The following NEGR1 variants were observed in gnomAD, a reference collection of about 807,000 sequenced individuals.
NEGR1 encodes IgLON family member 4.
NEGR1 carries 10 observed loss-of-function variants against 40.9 expected under a neutral mutation model. The ratio of observed to expected loss-of-function variants is 0.24; its 90% confidence interval spans 0.15 to 0.42. The LOEUF is 0.42. NEGR1 is among the 10% of genes least tolerant of loss of function. The pLI, the probability that NEGR1 is intolerant of heterozygous loss-of-function variation, is 1.00. For synonymous variants in NEGR1, 185 were observed against 166.8 expected (o/e 1.11, Z -0.84); for missense variants, 352 against 438.9 (o/e 0.80, Z 1.77).
At chr1:71,827,993 T>G (rs2101786411) in intron 2 of NEGR1, among the ~76,000 whole-genome samples, 1 of 152,102 alleles carries the variant, frequency 6.6e-6, no homozygotes, top group East Asian at 1.9e-4. Flanking sequence ...AATAATTTCT[T>G]TAAAACACAT....
chr1:72,282,474 C>T lies in NEGR1; in HGVS notation c.21G>A (p.Val7=). The T allele has an allele frequency of 1.2e-6, 2 of 1,613,222 alleles. No individual in the cohort carries two copies. Among genetic ancestry groups the T allele is most frequent in the African/African-American group, 2.7e-5 (2 of 74,950 alleles). The change falls in exon 1 of 7, where the codon GTG becomes GTA. Residue 7 remains valine, a synonymous_variant. Transcript: ENST00000357731. The part of the protein sequence containing the change: MDMMLL[V]QGACCSNQWL... ...ACTGGTTCGAGCAACAAGCACCCTG[C>T]ACCAACAGCATCATGTCCATCCCTG... is the stretch of plus-strand genomic sequence containing the variant.
At chr1:72,080,976 C>T (rs1028815331) in intron 1 of NEGR1, among the ~76,000 whole-genome samples, 6 of 151,974 alleles carry the variant, frequency 3.9e-5, no homozygotes, top group Non-Finnish European at 7.4e-5. Context: ...GAGGGTATTT[C>T]AGCCTAAGGG....
Position 71,776,165 on chromosome 1 carries a change from A to G in NEGR1, c.535+7T>C, listed in dbSNP as rs1236371325. 5 of 1,607,934 alleles carry G rather than the reference A, an allele frequency of 3.1e-6. No homozygotes were observed. The highest frequency in any genetic ancestry group is 4.2e-6 in the Non-Finnish European group (5 of 1,176,490). On this transcript the variant is annotated splice_region_variant and intron_variant, in intron 3 of 6. Coordinates refer to ENST00000357731, the MANE Select transcript of NEGR1 (RefSeq NM_173808.3). ...GCACAAACAACACTAATGCATTCCT[A>G]CTTTACCTGATGGGGAGATGTGTCG...
chr1:72,212,235 ACAAT>A (rs1213777938), intron 1 of NEGR1, among the ~76,000 whole-genome samples: 1 of 152,036 alleles, frequency 6.6e-6, no homozygotes, highest in Non-Finnish European at 1.5e-5. Flanking sequence ...TTGTAAAATT[ACAAT>A]CAATTAACTT....
At chr1:72,110,523 C>T (rs909472285) in intron 1 of NEGR1, among the ~76,000 whole-genome samples, 1 of 151,510 alleles carries the variant, frequency 6.6e-6, no homozygotes. Flanking sequence ...GATTTTCCAG[C>T]ATTAGCCACT....
At chr1:72,124,049 T>C (rs1649911218) in intron 1 of NEGR1, among the ~76,000 whole-genome samples, 1 of 152,072 alleles carries the variant, frequency 6.6e-6, no homozygotes, top group Non-Finnish European at 1.5e-5. Context: ...TGAGAGGTAA[T>C]GTTTCAAGAA....
intron 1 of NEGR1, among the ~76,000 whole-genome samples, chr1:71,937,767 C>A (rs1645920709): frequency 6.6e-6 from 1 of 152,106 alleles, no homozygotes; most frequent in African/African-American, 2.4e-5. Flanking sequence ...AACTGCTTAA[C>A]CTGTCCTAGT....
At chr1:71,458,189 C>A (rs2101339591) in intron 6 of NEGR1, among the ~76,000 whole-genome samples, 1 of 152,334 alleles carries the variant, frequency 6.6e-6, no homozygotes, top group East Asian at 1.9e-4. Context: ...CTTAGCTAGG[C>A]TGAATGCAAA....
intron 1 of NEGR1, among the ~76,000 whole-genome samples, chr1:72,154,712 A>G (rs1005212380): frequency 1.3e-5 from 2 of 152,084 alleles, no homozygotes; most frequent in African/African-American, 4.8e-5. Flanking sequence ...AAGATCGTAC[A>G]TACCTTTAGG....
chr1:72,086,839 T>C (rs1003856596), intron 1 of NEGR1, among the ~76,000 whole-genome samples: 7 of 152,192 alleles, frequency 4.6e-5, no homozygotes, highest in South Asian at 4.1e-4. Context: ...AATCATCCAA[T>C]CTAAAATATT....
intron 1 of NEGR1, among the ~76,000 whole-genome samples, chr1:72,138,788 T>C (rs941193562): frequency 4.6e-5 from 7 of 151,994 alleles, no homozygotes; most frequent in African/African-American, 1.7e-4. Context: ...GATTTAAATA[T>C]CCATCTTTCA....
At chr1:72,030,049 G>A (rs1277837246) in intron 1 of NEGR1, among the ~76,000 whole-genome samples, 2 of 151,298 alleles carry the variant, frequency 1.3e-5, no homozygotes, top group Non-Finnish European at 2.9e-5. Context: ...AAATCTTACA[G>A]CTTTGCAAAC....
chr1:71,583,700 T>C (rs1649209606), intron 6 of NEGR1, among the ~76,000 whole-genome samples: 1 of 152,216 alleles, frequency 6.6e-6, no homozygotes. Context: ...CACTAATTCT[T>C]AGAGCAAATA....
intron 1 of NEGR1, among the ~76,000 whole-genome samples, chr1:72,138,348 A>G (rs1650547618): frequency 6.6e-6 from 1 of 152,076 alleles, no homozygotes; most frequent in African/African-American, 2.4e-5. Flanking sequence ...ACTACAAAGC[A>G]GGGTGATAAA....
intron 1 of NEGR1, among the ~76,000 whole-genome samples, chr1:72,025,132 C>T (rs1028083766): frequency 6.6e-6 from 1 of 152,130 alleles, no homozygotes; most frequent in South Asian, 2.1e-4. Flanking sequence ...TCAGTCTAGA[C>T]TCCAAAACAT....
intron 1 of NEGR1, among the ~76,000 whole-genome samples, chr1:72,027,723 T>C (rs745906711): frequency 1.3e-5 from 2 of 152,228 alleles, no homozygotes; most frequent in Non-Finnish European, 2.9e-5. Context: ...AACTTGTGAA[T>C]GTATATCTCC....
intron 2 of NEGR1, among the ~76,000 whole-genome samples, chr1:71,908,706 G>T (rs1661345297): frequency 6.6e-6 from 1 of 152,022 alleles, no homozygotes; most frequent in Non-Finnish European, 1.5e-5. Flanking sequence ...ACCATTGATT[G>T]CTAAATCCTC....
intron 2 of NEGR1, among the ~76,000 whole-genome samples, chr1:71,908,214 CAA>C (rs80097153): frequency 2.6e-4 from 29 of 112,476 alleles, no homozygotes; most frequent in African/African-American, 2.3e-4. Context: ...AATGCCACTA[CAA>C]AAAAAAAAAA....
intron 1 of NEGR1, among the ~76,000 whole-genome samples, chr1:72,244,362 T>C: frequency 6.6e-6 from 1 of 151,904 alleles, no homozygotes; most frequent in East Asian, 1.9e-4. Flanking sequence ...GGTACATAAT[T>C]CAGGATATTT....
Sources: gnomAD v4.1 joint callset for allele counts (sites outside exome capture counted in the v4.1 genomes callset) on GRCh38, gnomAD v4.1.1 for gene constraint, MANE v1.5 for transcripts, NCBI Gene and HGNC (gene_info 2026-07-23, HGNC 2026-07-21) for gene names.